Variants in NUSAP1 observed in about 807,000 individuals in gnomAD.
NUSAP1 encodes nucleolar and spindle-associated protein 1.
NUSAP1 carries 32 observed loss-of-function variants against 52.8 expected under a neutral mutation model. The observed-to-expected ratio is 0.61, with a 90% CI of 0.46 to 0.81. NUSAP1 has a LOEUF of 0.81. NUSAP1 is among the 40% of genes least tolerant of loss of function. The pLI, the probability that NUSAP1 is intolerant of heterozygous loss-of-function variation, is 0.00. For synonymous variants in NUSAP1, 195 were observed against 183.1 expected, an observed-to-expected ratio of 1.06 and a Z score of -0.52; for missense variants, 499 against 522.3, an observed-to-expected ratio of 0.96 and a Z score of 0.43.
chr15:41,358,221 A>G lies in NUSAP1; in HGVS notation c.623A>G (p.Lys208Arg). The G allele has an allele frequency of 6.4e-7, 1 of 1,567,552 alleles. No individual in the cohort carries two copies. Among genetic ancestry groups the G allele is most frequent in the Middle Eastern group, 1.7e-4 (1 of 5,962 alleles). The change falls in exon 6 of 11, where the codon AAA (lysine) becomes AGA (arginine). Residue 208 changes from lysine (K) to arginine (R), a missense_variant. Transcript: ENST00000559596. ...GATCAATATATTGAGAGAAAAAAGA[A>G]ACATTTTGAAGAACACAATTCCATG... The part of the protein sequence containing the change: ...SIDQYIERKK[K>R]HFEEHNSMNE...
chr15:41,355,962 G>A (rs1475499847), intron 4 of NUSAP1, 77 bp from the exon 5 acceptor site: 4 of 844,144 alleles, frequency 4.7e-6, no homozygotes, highest in Non-Finnish European at 7.7e-6. Context: ...ACAGGCGTGA[G>A]CTACCGTGCC....
In NUSAP1 at chr15:41,358,352, C is replaced by T. The variant is rs530222587; in HGVS notation, c.660+94C>T. The stretch of plus-strand genomic sequence containing the variant: ...CCGTGGTTACAACAACTGGCTGTCA[C>T]TCTACCAGTAGATTTGTTTGAATTT... On this transcript the variant is annotated intron_variant, in intron 6 of 10. Transcript: ENST00000559596. 3.3e-5 allele frequency: 21 copies of T among 638,704 alleles called. 1 individual carries two copies. In the South Asian group the frequency reaches 4.0e-4, roughly 12 times the overall value. The allele number at this position is 638,704 out of a possible 1,614,324, so 39.6% of individuals were successfully genotyped here. A position where few individuals can be genotyped will look rare whatever the true frequency, so the allele number is the denominator to read the frequency against.
chr15:41,361,779 G>A (rs974303526), intron 6 of NUSAP1, among the ~76,000 whole-genome samples: 46 of 152,098 alleles, frequency 3.0e-4, no homozygotes, highest in African/African-American at 1.1e-3. Flanking sequence ...AAATAACACT[G>A]TTCACCCTGA....
Position 41,339,657 on chromosome 15 carries a change from G to A in NUSAP1, c.94-2729G>A, listed in dbSNP as rs114907896. ...ACTCCTGAACTCAGGTGATCTGACT[G>A]CCTCAGGCCTCCCAAAGTGCTGGGA... On this transcript the variant is annotated intron_variant, in intron 1 of 10. Transcript: ENST00000559596. Among the ~76,000 whole-genome samples, 1,338 of 152,154 alleles carry A rather than the reference G, an allele frequency of 8.8e-3. 20 individuals are homozygous for A. Among genetic ancestry groups the A allele is most frequent in the African/African-American group, 0.031 (1,271 of 41,492 alleles).
chr15:41,370,080 G>T (rs763086782), intron 7 of NUSAP1, among the ~76,000 whole-genome samples: 68 of 147,694 alleles, frequency 4.6e-4, no homozygotes, highest in Non-Finnish European at 6.0e-4. Context: ...AAAAAAAGAA[G>T]AAAGAAAGAA....
intron 6 of NUSAP1, among the ~76,000 whole-genome samples, chr15:41,362,764 T>C (rs1246672767): frequency 6.6e-6 from 1 of 152,094 alleles, no homozygotes; most frequent in Non-Finnish European, 1.5e-5. Context: ...TAATAGTATC[T>C]TGCCTTGTGG....
At chr15:41,350,019 G>A (rs775784456) in intron 3 of NUSAP1, among the ~76,000 whole-genome samples, 133 of 151,990 alleles carry the variant, frequency 8.8e-4, no homozygotes, top group Admixed American at 2.5e-3. Context: ...TACCCACCTC[G>A]GCCTCCCAAA....
intron 5 of NUSAP1, among the ~76,000 whole-genome samples, chr15:41,356,652 C>A (rs768109770): frequency 6.6e-6 from 1 of 152,102 alleles, no homozygotes; most frequent in Non-Finnish European, 1.5e-5. Flanking sequence ...TCTGCCTGGC[C>A]TATAGTACCT....
chr15:41,377,085 A>G (rs2049970607), intron 9 of NUSAP1, 111 bp from the exon 10 acceptor site: 3 of 590,814 alleles, frequency 5.1e-6, no homozygotes, highest in African/African-American at 3.9e-5. Flanking sequence ...TGTCTCAAAG[A>G]AAAAAAAAGT....
intron 8 of NUSAP1, among the ~76,000 whole-genome samples, chr15:41,373,606 C>T (rs772317349): frequency 3.3e-5 from 5 of 151,598 alleles, no homozygotes; most frequent in African/African-American, 1.2e-4. Flanking sequence ...CCCGCCACCA[C>T]GCCCGGCTAA....
At chr15:41,359,178 C>T (rs1193789516) in intron 6 of NUSAP1, among the ~76,000 whole-genome samples, 2 of 152,134 alleles carry the variant, frequency 1.3e-5, no homozygotes, top group Non-Finnish European at 2.9e-5. Context: ...CTATGATTCC[C>T]AGGCTCTCCT....
intron 4 of NUSAP1, among the ~76,000 whole-genome samples, chr15:41,354,359 G>A (rs1054860736): frequency 6.6e-6 from 1 of 152,042 alleles, no homozygotes; most frequent in Non-Finnish European, 1.5e-5. Context: ...ACAAAAATTA[G>A]CCGGGTGTGG....
chr15:41,338,739 T>A (rs1431608772), intron 1 of NUSAP1, among the ~76,000 whole-genome samples: 1 of 151,994 alleles, frequency 6.6e-6, no homozygotes, highest in Non-Finnish European at 1.5e-5. Flanking sequence ...GTGGATCACT[T>A]GAGGCCAGGA....
chr15:41,360,614 C>T (rs1340025872), intron 6 of NUSAP1, among the ~76,000 whole-genome samples: 2 of 151,992 alleles, frequency 1.3e-5, no homozygotes, highest in African/African-American at 2.4e-5. Context: ...CGGCGCCCAG[C>T]CCCTGCTAAT....
chr15:41,346,626 A>G (rs992176649), intron 2 of NUSAP1, among the ~76,000 whole-genome samples: 3 of 151,352 alleles, frequency 2.0e-5, no homozygotes, highest in African/African-American at 7.3e-5. Context: ...CAAGAGATCA[A>G]AACCATCCTG....
At chr15:41,355,085 A>C (rs2048916357) in intron 4 of NUSAP1, among the ~76,000 whole-genome samples, 1 of 151,878 alleles carries the variant, frequency 6.6e-6, no homozygotes, top group Non-Finnish European at 1.5e-5. Context: ...CCTGGACTCA[A>C]GCCATCCACC....
chr15:41,363,868 C>G (rs1177626040), intron 6 of NUSAP1, among the ~76,000 whole-genome samples: 6 of 152,090 alleles, frequency 3.9e-5, no homozygotes, highest in Non-Finnish European at 7.4e-5. Context: ...TAAGTGAAAC[C>G]CTTCAAGCAT....
intron 10 of NUSAP1, among the ~76,000 whole-genome samples, chr15:41,377,589 C>T (rs1218587908): frequency 6.6e-6 from 1 of 151,198 alleles, no homozygotes; most frequent in Non-Finnish European, 1.5e-5. Context: ...GTTCCAGCTA[C>T]TCGGGAGGCT....
intron 2 of NUSAP1, among the ~76,000 whole-genome samples, chr15:41,347,572 T>C (rs184882330): frequency 1.4e-4 from 21 of 152,044 alleles, no homozygotes; most frequent in African/African-American, 5.1e-4. Context: ...TCCCAGCACT[T>C]TGGGAGGCTG....
Sources: gnomAD v4.1 joint callset for allele counts (sites outside exome capture counted in the v4.1 genomes callset) on GRCh38, gnomAD v4.1.1 for gene constraint, MANE v1.5 for transcripts, NCBI Gene and HGNC (gene_info 2026-07-23, HGNC 2026-07-21) for gene names.